ZEB1: variants seen among roughly 807,000 people sequenced by gnomAD.
ZEB1 encodes zinc finger E-box binding homeobox 1.
In ZEB1, 21 loss-of-function variants were observed where a neutral mutation model predicts 84.9. The observed-to-expected ratio is 0.25, with a 90% CI of 0.18 to 0.36. The LOEUF (loss-of-function observed/expected upper bound fraction) is 0.36, where lower values mean the gene tolerates loss of function less well. Among genes scored for constraint, ZEB1 ranks in the 10% least tolerant of loss-of-function variants. The probability of loss-of-function intolerance (pLI) is 1.00; values close to 1 mark genes in which losing one functional copy is unlikely to be tolerated. For missense variants in ZEB1, 1,104 were observed against 1,330.2 expected (o/e 0.83, Z 2.65); for synonymous variants, 420 against 471.1 (o/e 0.89, Z 1.41).
intron 2 of ZEB1, among the ~76,000 whole-genome samples, chr10:31,482,073 A>G (rs937529966): frequency 6.6e-6 from 1 of 152,096 alleles, no homozygotes; most frequent in African/African-American, 2.4e-5. Context: ...TAAGAGAAAC[A>G]TCACAACTGG....
At chr10:31,479,885 T>C (rs1219511311) in intron 2 of ZEB1, among the ~76,000 whole-genome samples, 1 of 152,010 alleles carries the variant, frequency 6.6e-6, no homozygotes, top group Non-Finnish European at 1.5e-5. Context: ...TAAAATACTA[T>C]CAACTTTATT....
chr10:31,395,301 G>A (rs1329735686), intron 1 of ZEB1, among the ~76,000 whole-genome samples: 1 of 152,032 alleles, frequency 6.6e-6, no homozygotes, highest in Non-Finnish European at 1.5e-5. Context: ...TGGTTTTGTT[G>A]CATCTCATGC....
At chr10:31,380,766 A>G (rs1415071315) in intron 1 of ZEB1, among the ~76,000 whole-genome samples, 1 of 152,200 alleles carries the variant, frequency 6.6e-6, no homozygotes, top group African/African-American at 2.4e-5. Flanking sequence ...TCCAAAGGTA[A>G]CTTGAGATAC....
Position 31,321,666 on chromosome 10 carries a change from G to T in ZEB1, c.58+2374G>T. ...TGAACCACCCAGCGTCTGTGCAGCT[G>T]CTGTAAACATGTTTACCTGAACAGG... On this transcript the variant is annotated intron_variant, in intron 1 of 8. Coordinates refer to ENST00000424869, the MANE Select transcript of ZEB1 (RefSeq NM_001174096.2). 3 of 1,273,176 alleles carry T rather than the reference G, an allele frequency of 2.4e-6. No homozygotes were observed. The South Asian group carries it at 3.6e-5, about 15-fold the overall frequency. 78.9% of individuals were successfully genotyped at this position (1,273,176 alleles called of 1,614,324 possible).
intron 1 of ZEB1, among the ~76,000 whole-genome samples, chr10:31,427,586 C>G (rs2057120501): frequency 6.6e-6 from 1 of 152,130 alleles, no homozygotes; most frequent in African/African-American, 2.4e-5. Context: ...GGCGCGGTGG[C>G]TCAACGCCTG....
At chr10:31,432,161 T>C (rs1252821910) in intron 1 of ZEB1, among the ~76,000 whole-genome samples, 1 of 152,234 alleles carries the variant, frequency 6.6e-6, no homozygotes, top group Non-Finnish European at 1.5e-5. Context: ...CACTGTCCGG[T>C]AGAACTTTCT....
chr10:31,363,333 G>A (rs963504434), intron 1 of ZEB1: 6 of 1,533,568 alleles, frequency 3.9e-6, no homozygotes, highest in Non-Finnish European at 2.6e-6. Flanking sequence ...GTGAACTGGC[G>A]ACTCCATGGC....
At chr10:31,460,047 C>T (rs1448570228) in intron 1 of ZEB1, among the ~76,000 whole-genome samples, 1 of 151,866 alleles carries the variant, frequency 6.6e-6, no homozygotes, top group Non-Finnish European at 1.5e-5. Flanking sequence ...CTTTTCTTAG[C>T]AAATAAGAAT....
chr10:31,331,077 C>CTTTT (rs1238584690), intron 1 of ZEB1, among the ~76,000 whole-genome samples: 25 of 89,058 alleles, frequency 2.8e-4, no homozygotes, highest in African/African-American at 9.1e-4. Context: ...TTTTTTCTTT[C>CTTTT]TTTCTTTTTT....
chr10:31,320,636 G>A (rs181982537), intron 1 of ZEB1: 1 of 152,390 alleles, frequency 6.6e-6, no homozygotes, highest in Non-Finnish European at 1.5e-5. Context: ...ACAGCCCGAG[G>A]GATCGAGACC....
rs754787731 is a variant in ZEB1 at position 31,502,376 on chromosome 10, A to G, written c.351A>G (p.Ala117=). Residue 117 remains alanine (A), a synonymous_variant, in exon 4 of 9, where the codon GCA becomes GCG. Transcript: ENST00000424869. The part of the protein sequence containing the change: ...TVKDDECESD[A]ENEQNHDPNV... The stretch of plus-strand genomic sequence containing the variant: ...AAGATGATGAATGCGAGTCAGATGC[A>G]GAAAATGAGCAAAACCATGATCCTA... The G allele has an allele frequency of 6.2e-7, 1 of 1,613,890 alleles. No individual in the cohort carries two copies.
At chr10:31,321,245 T>A in intron 1 of ZEB1, 1 of 1,228,422 alleles carries the variant, frequency 8.1e-7, no homozygotes, top group South Asian at 2.4e-5. Context: ...ATTTTTAAGC[T>A]GTTTCAAGAT....
At chr10:31,353,656 G>A (rs1182793032) in intron 1 of ZEB1, among the ~76,000 whole-genome samples, 2 of 152,170 alleles carry the variant, frequency 1.3e-5, no homozygotes, top group East Asian at 3.8e-4. Context: ...ATTTTCCAAT[G>A]ATCATTTCTA....
At chr10:31,517,287 A>G (rs1400653080) in intron 6 of ZEB1, among the ~76,000 whole-genome samples, 1 of 152,058 alleles carries the variant, frequency 6.6e-6, no homozygotes, top group African/African-American at 2.4e-5. Flanking sequence ...TCATGACCCT[A>G]TGCAGAACCG....
chr10:31,342,765 G>T (rs1380803072), intron 1 of ZEB1, among the ~76,000 whole-genome samples: 2 of 152,024 alleles, frequency 1.3e-5, no homozygotes, highest in African/African-American at 2.4e-5. Context: ...AATAAATTGG[G>T]CTTGCTGCAT....
intron 1 of ZEB1, among the ~76,000 whole-genome samples, chr10:31,398,101 T>G (rs1183916157): frequency 6.6e-6 from 1 of 152,192 alleles, no homozygotes; most frequent in African/African-American, 2.4e-5. Context: ...TAGATTTTGT[T>G]TTTCATGGAT....
chr10:31,365,972 G>C (rs567790980), intron 1 of ZEB1, among the ~76,000 whole-genome samples: 107 of 152,284 alleles, frequency 7.0e-4, no homozygotes, highest in African/African-American at 2.4e-3. Context: ...TTCTTCCTCA[G>C]TAACACGTTT....
rs184593320 is a variant in ZEB1, at chr10:31,460,458, G to C, written c.59-579G>C. Among the ~76,000 whole-genome samples the C allele has an allele frequency of 7.2e-5, 11 of 152,192 alleles. No individual in the cohort carries two copies. The East Asian group carries it at 2.1e-3, about 29-fold the overall frequency. On this transcript the variant is annotated intron_variant, in intron 1 of 8. Transcript: ENST00000424869. ...GCTTAAAAATACTTGTGGTAAACTT[G>C]ATGATGTAATGCTATTTTGTTAGGA...
chr10:31,358,395 C>T (rs2042454179), intron 1 of ZEB1: 1 of 152,172 alleles, frequency 6.6e-6, no homozygotes, highest in Admixed American at 6.5e-5. Flanking sequence ...CAAGCACCCT[C>T]ATTAGCAGAG....
Sources: allele counts gnomAD v4.1 joint callset (sites outside exome capture counted in the v4.1 genomes callset), GRCh38; gene constraint gnomAD v4.1.1; transcripts MANE v1.5; gene names NCBI Gene and HGNC (gene_info 2026-07-23, HGNC 2026-07-21).